TACC2: variants seen among roughly 807,000 people sequenced by gnomAD.
The protein encoded by TACC2 is transforming acidic coiled-coil-containing protein 2.
TACC2 carries 137 observed loss-of-function variants against 227.3 expected under a neutral mutation model. That is an observed-to-expected ratio of 0.60 (90% CI 0.52 to 0.69). The LOEUF (loss-of-function observed/expected upper bound fraction) is 0.69, where lower values mean the gene tolerates loss of function less well. TACC2 is among the 30% of genes least tolerant of loss of function. The pLI is 0.00. For missense variants in TACC2, 3,470 were observed against 3,694.4 expected (o/e 0.94, Z 1.57); for synonymous variants, 1,523 against 1,487.5 (o/e 1.02, Z -0.55).
intron 12 of TACC2, 43 bp downstream of exon 12, chr10:122,224,830 T>A: frequency 6.5e-7 from 1 of 1,539,088 alleles, no homozygotes; most frequent in Non-Finnish European, 9.0e-7. Flanking sequence ...CTCGCTTTCC[T>A]GCCTTCAGGG....
intron 5 of TACC2, among the ~76,000 whole-genome samples, chr10:122,103,971 T>A (rs1162742049): frequency 1.3e-5 from 2 of 152,204 alleles, no homozygotes; most frequent in Non-Finnish European, 2.9e-5. Flanking sequence ...CTCATGGCCC[T>A]AAGTGACTTT....
Position 121,995,236 on chromosome 10 carries a change from C to T in TACC2, c.-46+5748C>T, listed in dbSNP as rs1027760154. Among the ~76,000 whole-genome samples the T allele has an allele frequency of 6.6e-5, 10 of 152,150 alleles. No individual in the cohort carries two copies. The South Asian group carries it at 8.3e-4, about 13-fold the overall frequency. ...TGATGTTGTGCCTGCCAACTTGAGC[C>T]GCCGTGTGATCTTGGCAAACGCTGT... is the stretch of plus-strand genomic sequence containing the variant. On this transcript the variant is annotated intron_variant, in intron 1 of 22. Transcript: ENST00000369005.
chr10:122,011,315 TTTTGTTTG>T (rs934410041), intron 1 of TACC2, among the ~76,000 whole-genome samples: 1 of 152,070 alleles, frequency 6.6e-6, no homozygotes, highest in Non-Finnish European at 1.5e-5. Context: ...CTCTTATGTT[TTTTGTTTG>T]TTTGTTTGTT....
At chr10:122,165,052 A>G (rs973005357) in intron 7 of TACC2, among the ~76,000 whole-genome samples, 1 of 152,250 alleles carries the variant, frequency 6.6e-6, no homozygotes, top group South Asian at 2.1e-4. Flanking sequence ...TCTGGGCTCC[A>G]GCTCTTTAGC....
intron 2 of TACC2, among the ~76,000 whole-genome samples, chr10:122,037,315 C>G (rs1175368214): frequency 6.6e-6 from 1 of 152,230 alleles, no homozygotes; most frequent in Non-Finnish European, 1.5e-5. Flanking sequence ...GGTAAGAAGT[C>G]TGGCTTTCTT....
At chr10:122,072,194 A>T (rs2136751717) in intron 3 of TACC2, among the ~76,000 whole-genome samples, 1 of 151,990 alleles carries the variant, frequency 6.6e-6, no homozygotes, top group East Asian at 2.0e-4. Flanking sequence ...TGACCTTGTG[A>T]TCCGCTTGCC....
chr10:122,166,543 A>T (rs1322064777), intron 7 of TACC2, among the ~76,000 whole-genome samples: 2 of 152,000 alleles, frequency 1.3e-5, no homozygotes, highest in Non-Finnish European at 2.9e-5. Context: ...GTCTCTTGCT[A>T]CTCCCAGGGT....
intron 18 of TACC2, among the ~76,000 whole-genome samples, chr10:122,238,563 C>A (rs2095908853): frequency 6.6e-6 from 1 of 152,170 alleles, no homozygotes; most frequent in African/African-American, 2.4e-5. Context: ...GATTCTCCTG[C>A]CTCAGCCACC....
chr10:122,015,252 C>T (rs1956444000), intron 1 of TACC2, among the ~76,000 whole-genome samples: 1 of 152,162 alleles, frequency 6.6e-6, no homozygotes, highest in East Asian at 1.9e-4. Context: ...TGCTTGTAAT[C>T]CCAGCACTTT....
At chr10:122,225,254 A>G (rs541207584) in intron 12 of TACC2, among the ~76,000 whole-genome samples, 1 of 152,326 alleles carries the variant, frequency 6.6e-6, no homozygotes, top group South Asian at 2.1e-4. Flanking sequence ...ATGTTATTCC[A>G]AGGGTGACCT....
chr10:122,236,794 T>C (rs1341028570), intron 16 of TACC2, among the ~76,000 whole-genome samples: 2 of 152,164 alleles, frequency 1.3e-5, no homozygotes, highest in Non-Finnish European at 2.9e-5. Context: ...CTTACATAAC[T>C]CTAACATAAC....
At chr10:122,001,228 G>A (rs1166090251) in intron 1 of TACC2, among the ~76,000 whole-genome samples, 3 of 152,208 alleles carry the variant, frequency 2.0e-5, no homozygotes, top group Non-Finnish European at 2.9e-5. Context: ...ACATGCCTGA[G>A]ACCAGGTAAT....
intron 2 of TACC2, among the ~76,000 whole-genome samples, chr10:122,027,378 C>A (rs1958170991): frequency 6.6e-6 from 1 of 152,034 alleles, no homozygotes; most frequent in Non-Finnish European, 1.5e-5. Flanking sequence ...CGAATAATTT[C>A]TCCCTGCCTG....
chr10:122,132,382 C>A (rs945881133), intron 5 of TACC2, among the ~76,000 whole-genome samples: 1 of 152,208 alleles, frequency 6.6e-6, no homozygotes, highest in African/African-American at 2.4e-5. Flanking sequence ...CCGATCTCTA[C>A]TAAAAATACA....
intron 9 of TACC2, among the ~76,000 whole-genome samples, chr10:122,212,723 G>A (rs1456917625): frequency 6.6e-6 from 1 of 152,128 alleles, no homozygotes; most frequent in Admixed American, 6.5e-5. Flanking sequence ...AAGAACCCAG[G>A]GCCTCCTGAG....
At position 122,150,736 on chromosome 10, in the gene TACC2, T is replaced by C. The variant is rs2139469803; in HGVS notation, c.5834+7030T>C. 6.6e-6 allele frequency among the ~76,000 whole-genome samples: 1 copy of C among 152,298 alleles called. No individual in the cohort carries two copies. ...CTCGCCGTGTTGATGAGCCAGTTTC[T>C]TTAATACTTCGCTGTCAGGAGAAGG... On this transcript the variant is annotated intron_variant, in intron 7 of 22. Transcript: ENST00000369005. The surrounding 1 kb of genome is among the most constrained non-coding windows in gnomAD (Gnocchi z 4.0).
intron 5 of TACC2, among the ~76,000 whole-genome samples, chr10:122,111,148 CTACTT>C (rs2083544647): frequency 6.6e-6 from 1 of 152,200 alleles, no homozygotes; most frequent in Non-Finnish European, 1.5e-5. Context: ...GATAGCCTCC[CTACTT>C]TAAAGTCAGG....
intron 7 of TACC2, among the ~76,000 whole-genome samples, chr10:122,148,977 G>C (rs1001753803): frequency 2.0e-5 from 3 of 152,352 alleles, no homozygotes; most frequent in African/African-American, 7.2e-5. Flanking sequence ...CCCCTCCATC[G>C]TAGCCCTCCT....
intron 9 of TACC2, chr10:122,213,200 C>A (rs1287137442): frequency 2.6e-6 from 2 of 778,776 alleles, no homozygotes; most frequent in African/African-American, 1.7e-5. Flanking sequence ...TGTTCCCCAG[C>A]AGCTCCTTCC....
Sources: allele counts gnomAD v4.1 joint callset (sites outside exome capture counted in the v4.1 genomes callset), GRCh38; gene constraint gnomAD v4.1.1; non-coding constraint Gnocchi (gnomAD v3.1); transcripts MANE v1.5; gene names NCBI Gene and HGNC (gene_info 2026-07-23, HGNC 2026-07-21).